Variants in SAMD7 observed in about 807,000 individuals in gnomAD.
SAMD7 encodes sterile alpha motif domain containing 7.
A neutral mutation model predicts 36.7 loss-of-function variants in SAMD7; 34 were observed. That is an observed-to-expected ratio of 0.93 (90% confidence interval 0.71 to 1.23). The LOEUF (loss-of-function observed/expected upper bound fraction) is 1.23. Among genes scored for constraint, SAMD7 ranks in the 50% most tolerant of loss-of-function variants. The pLI is 0.00. For missense variants in SAMD7, 570 were observed against 546.6 expected (o/e 1.04, Z -0.43); for synonymous variants, 188 against 189.7 (o/e 0.99, Z 0.07).
chr3:169,933,041 A>G, intron 7 of SAMD7: 1 of 828,630 alleles, frequency 1.2e-6, no homozygotes, highest in Non-Finnish European at 2.1e-6. Flanking sequence ...GGAACTACCT[A>G]AAGAATGGTG....
At chr3:169,932,672 C>T (rs1576837748) in intron 7 of SAMD7, 1 of 555,816 alleles carries the variant, frequency 1.8e-6, no homozygotes, top group East Asian at 4.7e-5. Flanking sequence ...ATCTGTCACA[C>T]TTTGGCTTCC....
intron 8 of SAMD7, among the ~76,000 whole-genome samples, chr3:169,936,895 A>G (rs998081196): frequency 6.6e-6 from 1 of 152,178 alleles, no homozygotes; most frequent in African/African-American, 2.4e-5. Flanking sequence ...GAAAAGATGC[A>G]TAGCAGCACC....
chr3:169,922,425 A>G (rs1307114448), intron 4 of SAMD7, among the ~76,000 whole-genome samples: 1 of 152,214 alleles, frequency 6.6e-6, no homozygotes, highest in African/African-American at 2.4e-5. Context: ...CCTGGAGGCC[A>G]CAGGAAGAAA....
At chr3:169,925,645 G>A (rs1713228270) in intron 5 of SAMD7, among the ~76,000 whole-genome samples, 1 of 152,174 alleles carries the variant, frequency 6.6e-6, no homozygotes, top group South Asian at 2.1e-4. Context: ...AGAATTGCTT[G>A]AACCTGGGAG....
chr3:169,923,547 T>G (rs1206573515), intron 4 of SAMD7, among the ~76,000 whole-genome samples: 1 of 152,106 alleles, frequency 6.6e-6, no homozygotes, highest in South Asian at 2.1e-4. Context: ...TTCGAGACCA[T>G]CCTGGTCAAC....
At chr3:169,928,939 G>A (rs1441585997) in intron 7 of SAMD7, among the ~76,000 whole-genome samples, 1 of 152,188 alleles carries the variant, frequency 6.6e-6, no homozygotes. Flanking sequence ...CATTTTTGGA[G>A]CACAGACTTC....
rs757582451 is a variant in SAMD7 at position 169,926,538 on chromosome 3, T to C, written c.291-15T>C. On this transcript the variant is annotated splice_polypyrimidine_tract_variant and intron_variant, in intron 5 of 8. Transcript: ENST00000335556. ...GTTTTCTTGGGCTGTATAAAATATATTGTTTTGTTTTTAGGACAGAAATGG... is the reference window on the plus strand; with the variant it reads ...GTTTTCTTGGGCTGTATAAAATATACTGTTTTGTTTTTAGGACAGAAATGG... 1 of 1,593,124 alleles carries C rather than the reference T, an allele frequency of 6.3e-7. No homozygotes were observed. The highest frequency in any genetic ancestry group is 1.1e-5 in the South Asian group (1 of 89,322).
At chr3:169,927,258 G>T in intron 6 of SAMD7, 77 bp downstream of exon 6, 22 of 537,342 alleles carry the variant, frequency 4.1e-5, no homozygotes, top group South Asian at 8.4e-5. Flanking sequence ...ATAATAAACT[G>T]TAACCATCCT....
Position 169,931,520 on chromosome 3 carries a change from A to G in SAMD7, c.1041+2942A>G, listed in dbSNP as rs116154384. Reference sequence around the variant, plus strand: ...TTTTTTAAAGAGATGGGGGTCTACTATGTTGCCCAGACTTGTCTCAAACTC... The same window carrying G: ...TTTTTTAAAGAGATGGGGGTCTACTGTGTTGCCCAGACTTGTCTCAAACTC... On this transcript the variant is annotated intron_variant, in intron 7 of 8. Coordinates refer to ENST00000335556, the MANE Select transcript of SAMD7 (RefSeq NM_001304366.2). 7.4e-3 allele frequency among the ~76,000 whole-genome samples: 1,125 copies of G among 152,010 alleles called. 19 individuals carry two copies. The highest frequency in any genetic ancestry group is 0.026 in the African/African-American group (1,081 of 41,454).
Position 169,938,435 on chromosome 3 carries a change from A to T in SAMD7, c.1270A>T (p.Thr424Ser), listed in dbSNP as rs140888945. 4.0e-5 allele frequency: 65 copies of T among 1,612,854 alleles called. 1 individual carries two copies. In the African/African-American group the frequency reaches 8.3e-4, roughly 21 times the overall value. ...PLLDPNSWSD[T>S]MNIFCPQDTI... ...TCTGGATCCTAATTCCTGGAGTGAT[A>T]CAATGAACATTTTTTGTCCCCAGGA... The change falls in exon 9 of 9, where the codon ACA becomes TCA. Residue 424 changes from threonine to serine, a missense_variant. Coordinates refer to ENST00000335556, the MANE Select transcript of SAMD7 (RefSeq NM_001304366.2).
Position 169,926,842 on chromosome 3 carries a change from C to T in SAMD7, c.580C>T (p.Leu194=), listed in dbSNP as rs1269538645. ...LRKNTGNQKA[L]DSDAESSKSQ... ...GAAAAATACAGGGAATCAAAAAGCT[C>T]TAGACAGTGATGCTGAGAGTTCCAA... Residue 194 remains leucine, a synonymous_variant, in exon 6 of 9, where the codon CTA becomes TTA. Transcript: ENST00000335556. The T allele has an allele frequency of 3.1e-6, 5 of 1,613,780 alleles. No individual in the cohort carries two copies. The highest frequency in any genetic ancestry group is 1.7e-5 in the Admixed American group (1 of 59,956).
intron 7 of SAMD7, among the ~76,000 whole-genome samples, chr3:169,929,395 AC>A (rs1713401262): frequency 7.2e-6 from 1 of 138,976 alleles, no homozygotes; most frequent in African/African-American, 2.8e-5. Flanking sequence ...ATCATAATTA[AC>A]TGATACTAGA....
At chr3:169,924,888 C>T (rs1713190242) in intron 4 of SAMD7, among the ~76,000 whole-genome samples, 170 bp from the exon 5 acceptor site, 2 of 149,750 alleles carry the variant, frequency 1.3e-5, no homozygotes, top group Admixed American at 6.7e-5. Flanking sequence ...CAACGTGACT[C>T]TAAGATACCG....
intron 2 of SAMD7, among the ~76,000 whole-genome samples, chr3:169,918,754 C>T (rs535491520): frequency 6.6e-6 from 1 of 152,248 alleles, no homozygotes; most frequent in East Asian, 1.9e-4. Flanking sequence ...GGTGTTAAAT[C>T]TTATCAACTA....
At chr3:169,932,263 G>A (rs1713527176) in intron 7 of SAMD7, 4 of 835,538 alleles carry the variant, frequency 4.8e-6, no homozygotes, top group African/African-American at 1.7e-5. Context: ...AGAGCTGGGG[G>A]CAATCATGCA....
intron 7 of SAMD7, among the ~76,000 whole-genome samples, chr3:169,930,458 A>G (rs953966422): frequency 6.6e-6 from 1 of 151,992 alleles, no homozygotes; most frequent in Non-Finnish European, 1.5e-5. Flanking sequence ...AGAAATGGGG[A>G]GATGCCCTCT....
At chr3:169,934,297 T>C (rs1173133990) in intron 7 of SAMD7, among the ~76,000 whole-genome samples, 1 of 152,116 alleles carries the variant, frequency 6.6e-6, no homozygotes, top group Non-Finnish European at 1.5e-5. Flanking sequence ...GATGGAGTTC[T>C]ATCCAGGGTG....
chr3:169,935,561 T>C (rs16854634), intron 7 of SAMD7, among the ~76,000 whole-genome samples: 23,099 of 152,062 alleles, frequency 0.15, 2,003 homozygotes, highest in African/African-American at 0.21. Flanking sequence ...CTACTGAAAA[T>C]GAGGGAAGGC....
At chr3:169,919,239 C>T (rs143678168) in intron 2 of SAMD7, among the ~76,000 whole-genome samples, 2 of 152,136 alleles carry the variant, frequency 1.3e-5, no homozygotes, top group East Asian at 1.9e-4. Context: ...AGTTTGGTAC[C>T]GTATTACCTG....
Sources: gnomAD v4.1 joint callset for allele counts (sites outside exome capture counted in the v4.1 genomes callset) on GRCh38, gnomAD v4.1.1 for gene constraint, MANE v1.5 for transcripts, NCBI Gene and HGNC (gene_info 2026-07-23, HGNC 2026-07-21) for gene names.